Variants in ADD3 observed in about 807,000 individuals in gnomAD.
The protein encoded by ADD3 is gamma-adducin.
ADD3 carries 25 observed loss-of-function variants against 80.2 expected under a neutral mutation model. The observed-to-expected ratio is 0.31, with a 90% CI of 0.23 to 0.44. ADD3 has a LOEUF of 0.44. Among genes scored for constraint, ADD3 ranks in the 20% least tolerant of loss-of-function variants. ADD3 has a pLI of 1.00. For missense variants in ADD3, 829 were observed against 847.5 expected (o/e 0.98, Z 0.27); for synonymous variants, 284 against 289.6 (o/e 0.98, Z 0.20).
At position 110,063,745 on chromosome 10, in the gene ADD3, A is replaced by ATG. The variant is rs1554926943; in HGVS notation, c.-29-36879_-29-36878insGT. Reference sequence around the variant, plus strand: ...ATGAATATATATATTCATTATATATATATATATATATATATATATATATAT... The same window carrying ATG: ...ATGAATATATATATTCATTATATATATGTATATATATATATATATATATATAT... On this transcript the variant is annotated intron_variant, in intron 1 of 14. Transcript: ENST00000356080. Among the ~76,000 whole-genome samples, 3 of 30,576 alleles carry ATG rather than the reference A, an allele frequency of 9.8e-5. 1 individual carries two copies. Among genetic ancestry groups the ATG allele is most frequent in the African/African-American group, 3.8e-4 (3 of 7,822 alleles). 20.1% of individuals were successfully genotyped at this position (30,576 alleles called of 152,430 possible). A position where few individuals can be genotyped will look rare whatever the true frequency, so the allele number is the denominator to read the frequency against.
In ADD3 at chr10:110,100,686, C is replaced by A. The variant is rs1286637961; in HGVS notation, c.33C>A (p.Thr11=). The A allele has an allele frequency of 6.2e-7, 1 of 1,611,668 alleles. No homozygotes were observed. The highest frequency in any genetic ancestry group is 2.2e-5 in the East Asian group (1 of 44,698). Reference sequence around the variant, plus strand: ...CAGATGCCAGCCAAGGCGTGATTACCACTCCTCCTCCTCCCAGCATGCCTC... The same window carrying A: ...CAGATGCCAGCCAAGGCGTGATTACAACTCCTCCTCCTCCCAGCATGCCTC... MSSDASQGVI[T]TPPPPSMPHK... The change falls in exon 2 of 15, where the codon ACC becomes ACA. Residue 11 remains threonine (T), a synonymous_variant. Coordinates refer to ENST00000356080, the MANE Select transcript of ADD3 (RefSeq NM_016824.5).
chr10:110,023,513 C>A (rs1235804183), intron 1 of ADD3, among the ~76,000 whole-genome samples: 1 of 152,152 alleles, frequency 6.6e-6, no homozygotes, highest in Non-Finnish European at 1.5e-5. Context: ...ACTTGCTGAA[C>A]AATGGAGAGG....
intron 1 of ADD3, among the ~76,000 whole-genome samples, chr10:110,018,032 T>C (rs1853200267): frequency 6.6e-6 from 1 of 152,232 alleles, no homozygotes; most frequent in African/African-American, 2.4e-5. Context: ...TAAGGAATTA[T>C]ACTTTAATAT....
intron 1 of ADD3, among the ~76,000 whole-genome samples, chr10:110,032,257 T>G (rs1377597452): frequency 6.6e-6 from 1 of 152,224 alleles, no homozygotes; most frequent in Non-Finnish European, 1.5e-5. Flanking sequence ...TTGACATTGT[T>G]GCATTAAGAA....
chr10:110,115,598 T>C lies in ADD3; in HGVS notation c.335-661T>C, dbSNP rs530624377. Among the ~76,000 whole-genome samples, 119 of 152,244 alleles carry C rather than the reference T, an allele frequency of 7.8e-4. 1 individual carries two copies. Among genetic ancestry groups the C allele is most frequent in the African/African-American group, 2.8e-3 (116 of 41,554 alleles). On this transcript the variant is annotated intron_variant, in intron 3 of 14. Transcript: ENST00000356080. ...AGCTGGGCAAAGGGAACAGATGAAC[T>C]TGTTAAAGGAGAAAAGCATGTAGAC...
intron 2 of ADD3, among the ~76,000 whole-genome samples, chr10:110,101,774 G>T (rs1483737868): frequency 6.6e-6 from 1 of 152,158 alleles, no homozygotes; most frequent in Non-Finnish European, 1.5e-5. Flanking sequence ...GATGGAAAAT[G>T]AGAGAACAGC....
intron 1 of ADD3, among the ~76,000 whole-genome samples, chr10:110,030,009 C>A (rs1320736833): frequency 1.3e-5 from 2 of 152,022 alleles, no homozygotes; most frequent in Non-Finnish European, 2.9e-5. Context: ...GCTGACCTGA[C>A]TGGAATGTAC....
At chr10:110,039,877 T>C (rs1452427213) in intron 1 of ADD3, among the ~76,000 whole-genome samples, 2 of 152,224 alleles carry the variant, frequency 1.3e-5, no homozygotes, top group Non-Finnish European at 2.9e-5. Context: ...AGTTCCTTGC[T>C]AAGCAAGCCT....
chr10:110,049,876 G>A (rs1272064860), intron 1 of ADD3, among the ~76,000 whole-genome samples: 3 of 143,206 alleles, frequency 2.1e-5, no homozygotes, highest in Admixed American at 1.4e-4. Flanking sequence ...GACAGAGCGA[G>A]ACTCCGTCTC....
chr10:110,122,635 C>CT (rs1251037048), intron 9 of ADD3, among the ~76,000 whole-genome samples: 154 of 133,758 alleles, frequency 1.2e-3, no homozygotes, highest in African/African-American at 1.3e-3. Flanking sequence ...ATGAGTTCAA[C>CT]TTTTTTTTTT....
At position 110,133,330 on chromosome 10, in the gene ADD3, C is replaced by T. The variant is rs377651513; in HGVS notation, c.1833C>T (p.Asn611=). 1 of 1,577,376 alleles carries T rather than the reference C, an allele frequency of 6.3e-7. No individual in the cohort carries two copies. Among genetic ancestry groups the T allele is most frequent in the Non-Finnish European group, 8.7e-7 (1 of 1,154,816 alleles). ...PQNVPEKLEE[N]HELFSKSFIS... is the part of the protein sequence containing the mutation. ...AAAAACCCTCCCCTTTCGTAGAAAA[C>T]CATGAGCTGTTTTCCAAGAGCTTCA... The change falls in exon 15 of 15, where the codon AAC becomes AAT. Residue 611 remains asparagine, a synonymous_variant. Coordinates refer to ENST00000356080, the MANE Select transcript of ADD3 (RefSeq NM_016824.5).
intron 1 of ADD3, among the ~76,000 whole-genome samples, chr10:110,083,485 C>T (rs1002005383): frequency 3.3e-5 from 5 of 151,444 alleles, no homozygotes; most frequent in Non-Finnish European, 5.9e-5. Flanking sequence ...CACTGCACTC[C>T]AGCCTGGGTG....
At chr10:110,113,043 A>G (rs893345960) in intron 3 of ADD3, 128 bp downstream of exon 3, 3 of 968,442 alleles carry the variant, frequency 3.1e-6, no homozygotes, top group Non-Finnish European at 4.7e-6. Context: ...TTAGAGTAAC[A>G]TAGTGTTAGA....
chr10:110,032,420 T>C (rs1855153955), intron 1 of ADD3, among the ~76,000 whole-genome samples: 1 of 152,014 alleles, frequency 6.6e-6, no homozygotes, highest in Non-Finnish European at 1.5e-5. Context: ...GTGGTGACTT[T>C]GGAAAGATAA....
At chr10:110,078,542 T>C (rs1845644488) in intron 1 of ADD3, among the ~76,000 whole-genome samples, 1 of 152,210 alleles carries the variant, frequency 6.6e-6, no homozygotes, top group Admixed American at 6.5e-5. Context: ...ATTTTCAAGT[T>C]GAAATTAGGC....
chr10:110,106,718 A>AT (rs202019701), intron 2 of ADD3, among the ~76,000 whole-genome samples: 2,598 of 152,142 alleles, frequency 0.017, 69 homozygotes, highest in African/African-American at 0.056. Context: ...TCACCTAGTG[A>AT]TTTTTTTACC....
chr10:110,035,437 T>G (rs911090790), intron 1 of ADD3, among the ~76,000 whole-genome samples: 2 of 152,200 alleles, frequency 1.3e-5, no homozygotes, highest in African/African-American at 4.8e-5. Context: ...GCCTAATGAT[T>G]AGAGTGATAA....
At chr10:110,054,620 T>C (rs1329330634) in intron 1 of ADD3, among the ~76,000 whole-genome samples, 1 of 150,152 alleles carries the variant, frequency 6.7e-6, no homozygotes, top group Non-Finnish European at 1.5e-5. Context: ...ATTTCTTTTT[T>C]TTTTTTTTTT....
In ADD3 at chr10:110,114,388, TC is replaced by T. The variant is rs1216361862; in HGVS notation, c.334+1474del. Among the ~76,000 whole-genome samples, 3 of 152,250 alleles carry T rather than the reference TC, an allele frequency of 2.0e-5. No homozygotes were observed. In the East Asian group the frequency reaches 5.8e-4, roughly 29 times the overall value. On this transcript the variant is annotated intron_variant, in intron 3 of 14. Coordinates refer to ENST00000356080, the MANE Select transcript of ADD3 (RefSeq NM_016824.5). The stretch of plus-strand genomic sequence containing the variant: ...CCATTGAAATATTCTCTTTAAAAGT[TC>T]TTGCTCATATTCTCAGGTAAAAAGC...
Sources: allele counts gnomAD v4.1 joint callset (sites outside exome capture counted in the v4.1 genomes callset), GRCh38; gene constraint gnomAD v4.1.1; transcripts MANE v1.5; gene names NCBI Gene and HGNC (gene_info 2026-07-23, HGNC 2026-07-21).